Variants in PCNX2 observed in about 807,000 individuals in gnomAD.
PCNX2 encodes pecanex 2, also known as pecanex-like protein 2.
PCNX2 carries 168 observed loss-of-function variants against 223.8 expected under a neutral mutation model. The ratio of observed to expected loss-of-function variants is 0.75; its 90% CI spans 0.66 to 0.85. The LOEUF is 0.85. Among genes scored for constraint, PCNX2 ranks in the 40% least tolerant of loss-of-function variants. The pLI is 0.00. For synonymous variants in PCNX2, 1,006 were observed against 1,052.6 expected (o/e 0.96, Z 0.86); for missense variants, 2,507 against 2,675.5 (o/e 0.94, Z 1.39).
At chr1:233,147,034 C>A (rs1677493350) in intron 19 of PCNX2, among the ~76,000 whole-genome samples, 1 of 152,192 alleles carries the variant, frequency 6.6e-6, no homozygotes, top group Non-Finnish European at 1.5e-5. Flanking sequence ...GCTCTGAATT[C>A]ACTATCCATG....
At chr1:233,236,728 G>A in intron 9 of PCNX2, 117 bp downstream of exon 9, 9 of 1,431,062 alleles carry the variant, frequency 6.3e-6, no homozygotes, top group Non-Finnish European at 8.5e-6. Context: ...AACAACCCGT[G>A]ATGCAAAATT....
intron 1 of PCNX2, chr1:233,285,111 G>T: frequency 1.4e-6 from 1 of 699,302 alleles, no homozygotes; most frequent in Non-Finnish European, 1.8e-6. Flanking sequence ...CCAACACTTC[G>T]GGAGGCCAAA....
intron 1 of PCNX2, among the ~76,000 whole-genome samples, chr1:233,270,663 G>C (rs12126934): frequency 0.39 from 58,830 of 152,044 alleles, 12,181 homozygotes; most frequent in African/African-American, 0.54. Flanking sequence ...AGAACACTTT[G>C]TCTTAGGCCT....
intron 12 of PCNX2, among the ~76,000 whole-genome samples, chr1:233,209,056 A>C (rs1448075966): frequency 6.6e-6 from 1 of 152,162 alleles, no homozygotes; most frequent in Non-Finnish European, 1.5e-5. Flanking sequence ...CAAGTGCAAA[A>C]CTAATTTAAA....
At chr1:233,053,558 A>G (rs1672082748) in intron 25 of PCNX2, among the ~76,000 whole-genome samples, 2 of 152,172 alleles carry the variant, frequency 1.3e-5, no homozygotes, top group South Asian at 4.1e-4. Flanking sequence ...TCACGTGTCC[A>G]TTGCATCTCC....
chr1:233,257,039 T>G (rs1028490596), intron 5 of PCNX2, among the ~76,000 whole-genome samples: 1 of 152,140 alleles, frequency 6.6e-6, no homozygotes. Context: ...TGCTCAGAAA[T>G]CACAGCAGTA....
At chr1:233,230,172 T>A (rs1657977780) in intron 9 of PCNX2, among the ~76,000 whole-genome samples, 1 of 152,156 alleles carries the variant, frequency 6.6e-6, no homozygotes, top group African/African-American at 2.4e-5. Context: ...CATGATAACA[T>A]CATCACACAT....
At chr1:233,306,973 T>A in the PCNX2 span, among the ~76,000 whole-genome samples, 1 of 152,208 alleles carries the variant, frequency 6.6e-6, no homozygotes, top group Non-Finnish European at 1.5e-5. Flanking sequence ...TAGTGATTTT[T>A]AAAAAGATAT....
intron 1 of PCNX2, among the ~76,000 whole-genome samples, chr1:233,274,824 A>G (rs907864491): frequency 6.6e-6 from 1 of 152,240 alleles, no homozygotes; most frequent in Non-Finnish European, 1.5e-5. Flanking sequence ...AAATCTTGAC[A>G]TTAGGCTTAG....
chr1:233,185,895 AG>A (rs919389549), intron 15 of PCNX2, among the ~76,000 whole-genome samples: 11 of 152,290 alleles, frequency 7.2e-5, no homozygotes, highest in African/African-American at 2.6e-4. Flanking sequence ...AAACTCCCAC[AG>A]GTTTTGAAAT....
the PCNX2 span, among the ~76,000 whole-genome samples, chr1:233,301,537 A>T: frequency 6.6e-6 from 1 of 152,234 alleles, no homozygotes; most frequent in South Asian, 2.1e-4. Flanking sequence ...TTAAAAACAT[A>T]TTAGCAATCT....
At chr1:233,075,417 T>G (rs999201916) in intron 23 of PCNX2, among the ~76,000 whole-genome samples, 1 of 152,052 alleles carries the variant, frequency 6.6e-6, no homozygotes, top group African/African-American at 2.4e-5. Context: ...ACAGGAGTTA[T>G]GAAGGGATGG....
At chr1:233,160,246 C>T in intron 19 of PCNX2, 37 bp downstream of exon 19, 3 of 1,444,942 alleles carry the variant, frequency 2.1e-6, no homozygotes, top group Non-Finnish European at 2.9e-6. Context: ...CCTACCCCTC[C>T]TTTTTTTTTT....
intron 21 of PCNX2, among the ~76,000 whole-genome samples, chr1:233,103,803 A>C (rs930471764): frequency 2.6e-5 from 4 of 152,340 alleles, no homozygotes; most frequent in Middle Eastern, 3.4e-3. Context: ...TACAGCCAGC[A>C]GTGGGATTGC....
At chr1:233,316,580 A>C in the PCNX2 span, among the ~76,000 whole-genome samples, 3 of 152,168 alleles carry the variant, frequency 2.0e-5, no homozygotes, top group Non-Finnish European at 4.4e-5. Flanking sequence ...CTTCATTTAT[A>C]ATTACTCAGC....
intron 12 of PCNX2, among the ~76,000 whole-genome samples, chr1:233,209,121 T>A (rs900059679): frequency 8.5e-5 from 13 of 152,316 alleles, no homozygotes; most frequent in African/African-American, 2.9e-4. Context: ...GAATTATAAT[T>A]TGTGGGCTTT....
chr1:233,213,371 T>TA (rs1681926796), intron 12 of PCNX2, among the ~76,000 whole-genome samples: 1 of 151,984 alleles, frequency 6.6e-6, no homozygotes, highest in Non-Finnish European at 1.5e-5. Context: ...GGGCATTAGG[T>TA]AAAAAACAAG....
intron 25 of PCNX2, among the ~76,000 whole-genome samples, chr1:233,051,813 C>T (rs1159835760): frequency 6.6e-6 from 1 of 152,096 alleles, no homozygotes; most frequent in Non-Finnish European, 1.5e-5. Flanking sequence ...ATCCATGTAA[C>T]AAACCTGCAT....
At chr1:233,008,161 C>A (rs549427313) in intron 28 of PCNX2, among the ~76,000 whole-genome samples, 1 of 152,332 alleles carries the variant, frequency 6.6e-6, no homozygotes, top group South Asian at 2.1e-4. Flanking sequence ...ATTAATACTG[C>A]TTTCATGAAC....
Sources: allele counts gnomAD v4.1 joint callset (sites outside exome capture counted in the v4.1 genomes callset), GRCh38; gene constraint gnomAD v4.1.1; transcripts MANE v1.5; gene names NCBI Gene and HGNC (gene_info 2026-07-23, HGNC 2026-07-21).